The following VPS45 variants were observed in gnomAD, a reference collection of about 807,000 sequenced individuals.
VPS45 encodes the protein vacuolar protein sorting 45 homolog.
VPS45 carries 35 observed loss-of-function variants against 75.9 expected under a neutral mutation model. The observed-to-expected ratio is 0.46, with a 90% CI of 0.35 to 0.61. The LOEUF (loss-of-function observed/expected upper bound fraction) is 0.61. Among genes scored for constraint, VPS45 ranks in the 20% least tolerant of loss-of-function variants. VPS45 has a pLI of 0.00. For synonymous variants in VPS45, 220 were observed against 238.2 expected (o/e 0.92, Z 0.70); for missense variants, 559 against 685.9 (o/e 0.81, Z 2.07).
chr1:150,108,699 A>AT (rs1553806514), intron 13 of VPS45, among the ~76,000 whole-genome samples: 1 of 152,192 alleles, frequency 6.6e-6, no homozygotes. Flanking sequence ...TGATAAGTCA[A>AT]GTAATATAAA....
chr1:150,101,348 A>G lies in VPS45; in HGVS notation c.1493+7700A>G, dbSNP rs150276249. On this transcript the variant is annotated intron_variant, in intron 13 of 14. Coordinates refer to ENST00000644510, the MANE Select transcript of VPS45 (RefSeq NM_007259.5). ...ATACGTGCAGCCAACAAGCATATGA[A>G]AAAAAACTCAGTATCACTGATCATT... Among the ~76,000 whole-genome samples the G allele has an allele frequency of 1.3e-3, 193 of 152,156 alleles. 3 individuals are homozygous for G. Among genetic ancestry groups the G allele is most frequent in the Non-Finnish European group, 1.7e-3 (117 of 68,008 alleles).
At chr1:150,090,249 G>A (rs1553801660) in intron 10 of VPS45, among the ~76,000 whole-genome samples, 2 of 152,120 alleles carry the variant, frequency 1.3e-5, no homozygotes, top group African/African-American at 2.4e-5. Context: ...TCTCACACTG[G>A]TTCCAATACT....
At chr1:150,076,618 T>C in intron 4 of VPS45, 1 of 496,542 alleles carries the variant, frequency 2.0e-6, no homozygotes. Context: ...TTGTATCTCC[T>C]ATTAGCAGTA....
intron 14 of VPS45, among the ~76,000 whole-genome samples, chr1:150,143,544 T>A (rs1376268841): frequency 1.3e-5 from 2 of 149,944 alleles, no homozygotes; most frequent in East Asian, 3.9e-4. Flanking sequence ...GCTGAGATTG[T>A]GCCATTGCAC....
rs56026495 is a variant in VPS45, at chr1:150,128,302, T to TAAAAAA, written c.1626-16401_1626-16396dup. ...GGGTAACAGAATGGGACCCTTGTCT[T>TAAAAAA]AAAAAAAAAAAGAAAATTAACTTGA... On this transcript the variant is annotated intron_variant, in intron 14 of 14. Coordinates refer to ENST00000644510, the MANE Select transcript of VPS45 (RefSeq NM_007259.5). Among the ~76,000 whole-genome samples the TAAAAAA allele has an allele frequency of 1.1e-3, 166 of 145,358 alleles. 1 individual carries two copies. The highest frequency in any genetic ancestry group is 3.6e-3 in the Middle Eastern group (1 of 280).
chr1:150,141,332 C>G (rs1659383030), intron 14 of VPS45, among the ~76,000 whole-genome samples: 1 of 152,096 alleles, frequency 6.6e-6, no homozygotes, highest in African/African-American at 2.4e-5. Context: ...AAGAAATTCA[C>G]ATGTAATTTT....
chr1:150,139,460 T>G (rs1438115509), intron 14 of VPS45, among the ~76,000 whole-genome samples: 1 of 152,182 alleles, frequency 6.6e-6, no homozygotes, highest in Non-Finnish European at 1.5e-5. Flanking sequence ...AGGCCTTCCT[T>G]GGGTACTAGT....
intron 14 of VPS45, among the ~76,000 whole-genome samples, chr1:150,135,854 G>T (rs1451820237): frequency 6.6e-6 from 1 of 150,846 alleles, no homozygotes; most frequent in Non-Finnish European, 1.5e-5. Context: ...GGCCAGGCTG[G>T]TTTTGAACTC....
intron 14 of VPS45, among the ~76,000 whole-genome samples, chr1:150,134,054 G>C (rs1658956981): frequency 6.6e-6 from 1 of 152,202 alleles, no homozygotes; most frequent in Non-Finnish European, 1.5e-5. Context: ...CGAAGGAATA[G>C]CTACATTTTT....
chr1:150,071,423 A>C (rs1655066271), intron 2 of VPS45, among the ~76,000 whole-genome samples: 2 of 152,230 alleles, frequency 1.3e-5, no homozygotes, highest in Non-Finnish European at 2.9e-5. Context: ...GCCAAAGTGA[A>C]TATAATTAAC....
Position 150,145,114 on chromosome 1 carries a change from A to G in VPS45, c.*318A>G. ...CAGAGCCTAGAGGGGCTTAAAAAGT[A>G]ATCATTTGATGTACATACCACACTC... On this transcript the variant is annotated 3_prime_UTR_variant, in exon 15 of 15. Transcript: ENST00000644510. The G allele has an allele frequency of 1.7e-6, 1 of 582,234 alleles. No individual in the cohort carries two copies. Among genetic ancestry groups the G allele is most frequent in the Non-Finnish European group, 3.0e-6 (1 of 333,092 alleles). The allele number at this position is 582,234 out of a possible 1,614,324, so 36.1% of individuals were successfully genotyped here.
chr1:150,121,622 T>TA (rs751976784), intron 14 of VPS45, among the ~76,000 whole-genome samples: 52 of 152,376 alleles, frequency 3.4e-4, no homozygotes, highest in Admixed American at 1.2e-3. Flanking sequence ...TTCTAGGAAT[T>TA]ATATATGGCA....
intron 14 of VPS45, among the ~76,000 whole-genome samples, chr1:150,116,611 T>A (rs1368213445): frequency 6.6e-6 from 1 of 152,234 alleles, no homozygotes; most frequent in Non-Finnish European, 1.5e-5. Flanking sequence ...TAATGCTGCA[T>A]TATTCTCTAA....
At chr1:150,122,930 C>T (rs587656724) in intron 14 of VPS45, among the ~76,000 whole-genome samples, 27 of 139,010 alleles carry the variant, frequency 1.9e-4, no homozygotes, top group Middle Eastern at 4.1e-3. Flanking sequence ...ACCCAGGAGG[C>T]GGAGGTTGCA....
intron 14 of VPS45, among the ~76,000 whole-genome samples, chr1:150,120,358 C>A (rs1025663746): frequency 6.6e-6 from 1 of 152,062 alleles, no homozygotes; most frequent in South Asian, 2.1e-4. Flanking sequence ...TAAATTGAAA[C>A]AAAATCTTAG....
chr1:150,082,238 G>A (rs1239998355), intron 9 of VPS45, among the ~76,000 whole-genome samples: 5 of 152,202 alleles, frequency 3.3e-5, no homozygotes, highest in Admixed American at 2.6e-4. Flanking sequence ...TGGGAGCAGT[G>A]GCTCACGCCT....
chr1:150,078,991 A>T (rs995719760), intron 7 of VPS45, among the ~76,000 whole-genome samples: 8 of 148,590 alleles, frequency 5.4e-5, no homozygotes, highest in African/African-American at 2.0e-4. Context: ...GATGCCTGTA[A>T]TCCCAGCTAC....
At chr1:150,115,661 G>T (rs782787933) in intron 14 of VPS45, among the ~76,000 whole-genome samples, 1 of 152,092 alleles carries the variant, frequency 6.6e-6, no homozygotes, top group Non-Finnish European at 1.5e-5. Flanking sequence ...TTTTTGCTAG[G>T]TACCCCAAGA....
intron 3 of VPS45, among the ~76,000 whole-genome samples, chr1:150,075,078 T>C (rs1454427199): frequency 3.6e-5 from 5 of 139,908 alleles, no homozygotes; most frequent in Non-Finnish European, 7.5e-5. Flanking sequence ...TTGCCCAGGC[T>C]GGTCTTGAAC....
Sources: gnomAD v4.1 joint callset for allele counts (sites outside exome capture counted in the v4.1 genomes callset) on GRCh38, gnomAD v4.1.1 for gene constraint, MANE v1.5 for transcripts, NCBI Gene and HGNC (gene_info 2026-07-23, HGNC 2026-07-21) for gene names.